The following MLLT3 variants were observed in gnomAD, a reference collection of about 807,000 sequenced individuals.
MLLT3 encodes MLLT3 super elongation complex subunit.
MLLT3 carries 4 observed loss-of-function variants against 53.2 expected under a neutral mutation model. The observed-to-expected ratio is 0.08, with a 90% CI of 0.04 to 0.17. MLLT3 has a LOEUF of 0.17. Ranked by LOEUF, MLLT3 falls within the 10% of genes least tolerant of loss-of-function variation. The pLI is 1.00. For synonymous variants in MLLT3, 283 were observed against 230.6 expected, an observed-to-expected ratio of 1.23 and a Z score of -2.06; for missense variants, 569 against 684.0, an observed-to-expected ratio of 0.83 and a Z score of 1.87.
intron 2 of MLLT3, among the ~76,000 whole-genome samples, chr9:20,526,890 G>A (rs1397179346): frequency 6.6e-6 from 1 of 152,152 alleles, no homozygotes; most frequent in Non-Finnish European, 1.5e-5. Context: ...AATGACTAAT[G>A]AGGCTAGGCA....
chr9:20,590,880 T>C (rs550751525), intron 2 of MLLT3, among the ~76,000 whole-genome samples: 31 of 151,814 alleles, frequency 2.0e-4, no homozygotes, highest in Non-Finnish European at 4.4e-4. Context: ...GGATGGATGA[T>C]GGACATGCAT....
At chr9:20,447,816 C>A (rs1236686737) in intron 4 of MLLT3, among the ~76,000 whole-genome samples, 2 of 152,166 alleles carry the variant, frequency 1.3e-5, no homozygotes, top group Non-Finnish European at 2.9e-5. Flanking sequence ...AAATATTATT[C>A]TTTTCTTAAA....
At chr9:20,482,209 G>C (rs1398639258) in intron 2 of MLLT3, among the ~76,000 whole-genome samples, 1 of 152,160 alleles carries the variant, frequency 6.6e-6, no homozygotes, top group Non-Finnish European at 1.5e-5. Context: ...AAACAAACCA[G>C]ACCAAACCAA....
chr9:20,378,880 A>G (rs1821841627), intron 5 of MLLT3, among the ~76,000 whole-genome samples: 1 of 152,072 alleles, frequency 6.6e-6, no homozygotes, highest in Non-Finnish European at 1.5e-5. Context: ...TTCTCAATGT[A>G]GCCCCTTTAA....
rs569419698 is a variant in MLLT3, at chr9:20,345,683, T to C, written c.*760A>G. 15 of 216,474 alleles carry C rather than the reference T, an allele frequency of 6.9e-5. No individual in the cohort carries two copies. The South Asian group carries it at 1.9e-3, about 27-fold the overall frequency. The allele number at this position is 216,474 out of a possible 1,614,324, so 13.4% of individuals were successfully genotyped here. On this transcript the variant is annotated 3_prime_UTR_variant, in exon 11 of 11. Transcript: ENST00000380338. ...TAAGGCTAGACAGCAATTCATATGA[T>C]CCTATTTGGTGCATTTTCTACCATG...
In MLLT3 at chr9:20,621,502, A is replaced by T. The variant is rs1196431350; in HGVS notation, c.13-668T>A. Among the ~76,000 whole-genome samples, 2 of 151,508 alleles carry T rather than the reference A, an allele frequency of 1.3e-5. No individual in the cohort carries two copies. The highest frequency in any genetic ancestry group is 2.9e-5 in the Non-Finnish European group (2 of 67,890). ...CGCCGAGGCATCCATAACTTAGAGC[A>T]CCCCGCACCCCCCAGCGAAAAGCCC... is the stretch of plus-strand genomic sequence containing the variant. On this transcript the variant is annotated intron_variant, in intron 1 of 10. Coordinates refer to ENST00000380338, the MANE Select transcript of MLLT3 (RefSeq NM_004529.4). The surrounding 1 kb of genome is among the most constrained non-coding windows in gnomAD (Gnocchi z 7.0).
chr9:20,567,180 CA>C (rs35890145), intron 2 of MLLT3, among the ~76,000 whole-genome samples: 12,969 of 121,384 alleles, frequency 0.11, 959 homozygotes, highest in African/African-American at 0.23. Context: ...CACTCAAAGT[CA>C]AAAAAAAAAA....
intron 2 of MLLT3, among the ~76,000 whole-genome samples, chr9:20,584,170 T>A (rs956005901): frequency 6.6e-6 from 1 of 152,222 alleles, no homozygotes; most frequent in African/African-American, 2.4e-5. Context: ...CCAGTCTCTC[T>A]GCTAAAACGT....
intron 2 of MLLT3, among the ~76,000 whole-genome samples, chr9:20,515,761 C>T (rs774584641): frequency 1.3e-5 from 2 of 152,088 alleles, no homozygotes; most frequent in Non-Finnish European, 2.9e-5. Flanking sequence ...TGCCATCAGC[C>T]GGAGTCATAA....
At chr9:20,510,130 T>C (rs1263498443) in intron 2 of MLLT3, among the ~76,000 whole-genome samples, 4 of 152,020 alleles carry the variant, frequency 2.6e-5, no homozygotes, top group Non-Finnish European at 5.9e-5. Flanking sequence ...TATCAAATGA[T>C]AAACTAGAAG....
intron 2 of MLLT3, among the ~76,000 whole-genome samples, chr9:20,582,904 C>A (rs1554641805): frequency 1.3e-5 from 2 of 152,150 alleles, no homozygotes; most frequent in Non-Finnish European, 2.9e-5. Context: ...CATTCCACCC[C>A]TGGCCCCTCA....
At chr9:20,513,084 C>T (rs958902636) in intron 2 of MLLT3, among the ~76,000 whole-genome samples, 3 of 152,170 alleles carry the variant, frequency 2.0e-5, no homozygotes, top group Admixed American at 6.5e-5. Context: ...TCTAGTCTTG[C>T]CCTGATAGGG....
intron 2 of MLLT3, among the ~76,000 whole-genome samples, chr9:20,572,828 C>T (rs796090302): frequency 2.0e-5 from 3 of 152,238 alleles, no homozygotes; most frequent in African/African-American, 7.2e-5. Flanking sequence ...TAAACAGTAA[C>T]ATCCAGATTT....
chr9:20,599,847 T>C (rs1404359898), intron 2 of MLLT3, among the ~76,000 whole-genome samples: 4 of 152,198 alleles, frequency 2.6e-5, no homozygotes, highest in African/African-American at 9.6e-5. Context: ...AGTTAGTTAA[T>C]CTTCAGTCTT....
chr9:20,571,022 T>G (rs1459640623), intron 2 of MLLT3, among the ~76,000 whole-genome samples: 1 of 152,240 alleles, frequency 6.6e-6, no homozygotes, highest in Non-Finnish European at 1.5e-5. Context: ...CTAGGCTTTA[T>G]CACTCACTGA....
intron 5 of MLLT3, among the ~76,000 whole-genome samples, chr9:20,373,063 G>C (rs747916368): frequency 6.6e-6 from 1 of 152,034 alleles, no homozygotes; most frequent in Non-Finnish European, 1.5e-5. Context: ...TAATTCTACT[G>C]CTTGATAGTA....
chr9:20,540,675 T>C (rs1818607830), intron 2 of MLLT3, among the ~76,000 whole-genome samples: 1 of 152,192 alleles, frequency 6.6e-6, no homozygotes, highest in East Asian at 1.9e-4. Flanking sequence ...CATTTTTCCC[T>C]CCTAGGCCTC....
intron 2 of MLLT3, among the ~76,000 whole-genome samples, chr9:20,556,194 T>C (rs1216628778): frequency 1.3e-5 from 2 of 152,214 alleles, no homozygotes; most frequent in Non-Finnish European, 2.9e-5. Context: ...TTTATCAGAA[T>C]TTGTAATATA....
chr9:20,565,933 T>C (rs1426034681), intron 2 of MLLT3, among the ~76,000 whole-genome samples: 2 of 12,354 alleles, frequency 1.6e-4, no homozygotes, highest in Admixed American at 2.3e-3. Flanking sequence ...TATATATATA[T>C]ATATTTATAT....
Sources: gnomAD v4.1 joint callset for allele counts (sites outside exome capture counted in the v4.1 genomes callset) on GRCh38, gnomAD v4.1.1 for gene constraint, Gnocchi (gnomAD v3.1) non-coding constraint, MANE v1.5 for transcripts, NCBI Gene and HGNC (gene_info 2026-07-23, HGNC 2026-07-21) for gene names.